HNRNPC: variants seen among roughly 807,000 people sequenced by gnomAD.
HNRNPC encodes the protein heterogeneous nuclear ribonucleoprotein C.
HNRNPC carries 3 observed loss-of-function variants against 33.2 expected under a neutral mutation model. The observed-to-expected ratio is 0.09, with a 90% CI of 0.04 to 0.23. The LOEUF is 0.23. Among genes scored for constraint, HNRNPC ranks in the 10% least tolerant of loss-of-function variants. The pLI is 1.00. For synonymous variants in HNRNPC, 121 were observed against 126.7 expected, an observed-to-expected ratio of 0.96 and a Z score of 0.30; for missense variants, 143 against 366.7, an observed-to-expected ratio of 0.39 and a Z score of 4.98.
chr14:21,233,346 AAT>A (rs1490950538), intron 3 of HNRNPC, among the ~76,000 whole-genome samples: 1 of 152,324 alleles, frequency 6.6e-6, no homozygotes, highest in African/African-American at 2.4e-5. Flanking sequence ...CTAAATCACA[AAT>A]ATAAATTTAA....
intron 2 of HNRNPC, among the ~76,000 whole-genome samples, chr14:21,248,363 TCAA>T (rs1356226246): frequency 1.3e-5 from 2 of 152,148 alleles, no homozygotes; most frequent in African/African-American, 4.8e-5. Context: ...TGTTTCAAGA[TCAA>T]CAACTTGCTA....
At position 21,218,958 on chromosome 14, in the gene HNRNPC, A is replaced by G. The variant is rs149118827; in HGVS notation, c.366-5841T>C. On this transcript the variant is annotated intron_variant, in intron 5 of 8. Coordinates refer to ENST00000553300, the MANE Select transcript of HNRNPC (RefSeq NM_004500.4). ...AACCCCATCTCTACTAAAAATACAA[A>G]TATTAGCTGGGCATGGTGGCACATG... Among the ~76,000 whole-genome samples, 1,332 of 151,788 alleles carry G rather than the reference A, an allele frequency of 8.8e-3. 5 individuals are homozygous for G. Among genetic ancestry groups the G allele is most frequent in the Non-Finnish European group, 0.012 (840 of 67,956 alleles).
At chr14:21,214,619 T>A (rs1891957770) in intron 5 of HNRNPC, among the ~76,000 whole-genome samples, 1 of 152,198 alleles carries the variant, frequency 6.6e-6, no homozygotes, top group Admixed American at 6.5e-5. Context: ...TTCCCCTAAG[T>A]ATGGTTAATC....
intron 2 of HNRNPC, among the ~76,000 whole-genome samples, chr14:21,260,369 TAAAAAA>T (rs11345053): frequency 4.1e-5 from 5 of 122,210 alleles, no homozygotes; most frequent in Admixed American, 1.7e-4. Flanking sequence ...CCGTCTTATT[TAAAAAA>T]AAAAAAAAAA....
intron 2 of HNRNPC, among the ~76,000 whole-genome samples, chr14:21,253,992 C>T (rs779599055): frequency 3.4e-5 from 5 of 147,868 alleles, no homozygotes; most frequent in South Asian, 2.1e-4. Context: ...GGCATGAACC[C>T]GGGAGAGGGA....
At chr14:21,249,763 C>T (rs1011321919) in intron 2 of HNRNPC, among the ~76,000 whole-genome samples, 2 of 151,996 alleles carry the variant, frequency 1.3e-5, no homozygotes, top group Non-Finnish European at 2.9e-5. Flanking sequence ...TAAAGTGTTT[C>T]GGGGGTGTTA....
At chr14:21,237,272 T>C (rs565493398) in intron 2 of HNRNPC, among the ~76,000 whole-genome samples, 2 of 152,226 alleles carry the variant, frequency 1.3e-5, no homozygotes, top group Non-Finnish European at 2.9e-5. Flanking sequence ...ATAATTCTAA[T>C]GCCTAAATGT....
At chr14:21,213,581 C>CT (rs1891850827) in intron 5 of HNRNPC, among the ~76,000 whole-genome samples, 1 of 152,168 alleles carries the variant, frequency 6.6e-6, no homozygotes, top group African/African-American at 2.4e-5. Flanking sequence ...AGCGAAATCT[C>CT]TGATTCTTTT....
chr14:21,244,848 A>C (rs989950043), intron 2 of HNRNPC, among the ~76,000 whole-genome samples: 3 of 152,088 alleles, frequency 2.0e-5, no homozygotes, highest in Non-Finnish European at 4.4e-5. Context: ...AGGGCGGGAA[A>C]GGTGGTTCAC....
At chr14:21,257,632 C>A (rs1359819010) in intron 2 of HNRNPC, among the ~76,000 whole-genome samples, 1 of 152,012 alleles carries the variant, frequency 6.6e-6, no homozygotes, top group Non-Finnish European at 1.5e-5. Context: ...GTCACCCAGG[C>A]TGGAGTACAG....
At chr14:21,251,674 T>C (rs1174731681) in intron 2 of HNRNPC, among the ~76,000 whole-genome samples, 1 of 151,600 alleles carries the variant, frequency 6.6e-6, no homozygotes, top group African/African-American at 2.4e-5. Flanking sequence ...AGAGACTCCG[T>C]CTCAAAAAAA....
intron 2 of HNRNPC, among the ~76,000 whole-genome samples, chr14:21,242,979 G>T (rs1316101954): frequency 6.6e-6 from 1 of 152,116 alleles, no homozygotes. Flanking sequence ...ACAAAGATAA[G>T]CTGGGTGTGG....
chr14:21,231,707 T>C (rs1259765234), intron 3 of HNRNPC, among the ~76,000 whole-genome samples: 1 of 152,176 alleles, frequency 6.6e-6, no homozygotes, highest in African/African-American at 2.4e-5. Flanking sequence ...TTCCTGAGAC[T>C]AACATTAAGT....
At chr14:21,249,601 A>AAAC (rs915872882) in intron 2 of HNRNPC, among the ~76,000 whole-genome samples, 4 of 146,412 alleles carry the variant, frequency 2.7e-5, no homozygotes, top group African/African-American at 7.9e-5. Flanking sequence ...AACAAAAAAA[A>AAAC]AAAAAAAAAA....
Position 21,209,708 on chromosome 14 carries a change from C to G in HNRNPC, c.*1515G>C, listed in dbSNP as rs1891421286. The stretch of plus-strand genomic sequence containing the variant: ...TGTAATGAGTAGGATGAAAAAAGGC[C>G]AGTGCCGCATGCTATGAAACAATAG... On this transcript the variant is annotated 3_prime_UTR_variant, in exon 9 of 9. Coordinates refer to ENST00000553300, the MANE Select transcript of HNRNPC (RefSeq NM_004500.4). The G allele has an allele frequency of 6.6e-6, 1 of 152,086 alleles. No homozygotes were observed. Among genetic ancestry groups the G allele is most frequent in the Admixed American group, 6.5e-5 (1 of 15,270 alleles). The allele number at this position is 152,086 out of a possible 1,614,324, so 9.4% of individuals were successfully genotyped here. A position where few individuals can be genotyped will look rare whatever the true frequency, so the allele number is the denominator to read the frequency against.
At chr14:21,246,751 A>G (rs1490235309) in intron 2 of HNRNPC, among the ~76,000 whole-genome samples, 2 of 152,140 alleles carry the variant, frequency 1.3e-5, no homozygotes, top group Non-Finnish European at 2.9e-5. Context: ...GACCTTGAAC[A>G]ATATGGGTTT....
Position 21,211,932 on chromosome 14 carries a change from T to C in HNRNPC, c.524-9A>G. On this transcript the variant is annotated splice_polypyrimidine_tract_variant and intron_variant, in intron 6 of 8. Coordinates refer to ENST00000553300, the MANE Select transcript of HNRNPC (RefSeq NM_004500.4). ...AAGGTCATCTCCTTTCACTTTAATA[T>C]AAACAAAATACTAGATTAAAATCAA... is the stretch of plus-strand genomic sequence containing the variant. 1 of 1,578,332 alleles carries C rather than the reference T, an allele frequency of 6.3e-7. No individual in the cohort carries two copies. The highest frequency in any genetic ancestry group is 8.7e-7 in the Non-Finnish European group (1 of 1,148,558).
chr14:21,230,455 C>T (rs1234229252), intron 4 of HNRNPC, 89 bp from the exon 5 acceptor site: 9 of 862,120 alleles, frequency 1.0e-5, no homozygotes, highest in Non-Finnish European at 1.7e-5. Flanking sequence ...CCAAATAAAC[C>T]ACAACAAATA....
chr14:21,235,159 G>A (rs566114129), intron 2 of HNRNPC, among the ~76,000 whole-genome samples: 1 of 152,216 alleles, frequency 6.6e-6, no homozygotes, highest in East Asian at 1.9e-4. Context: ...CCCGTAAAGC[G>A]AAAATGTTTT....
Sources: allele counts gnomAD v4.1 joint callset (sites outside exome capture counted in the v4.1 genomes callset), GRCh38; gene constraint gnomAD v4.1.1; transcripts MANE v1.5; gene names NCBI Gene and HGNC (gene_info 2026-07-23, HGNC 2026-07-21).